Variants in AGK observed in about 807,000 individuals in gnomAD.
AGK encodes the protein acylglycerol kinase, also known as acylglycerol kinase, mitochondrial.
In AGK, 52 loss-of-function variants were observed where a neutral mutation model predicts 66.4. The ratio of observed to expected loss-of-function variants is 0.78; its 90% CI spans 0.63 to 0.99. AGK has a LOEUF of 0.99. AGK is among the 50% of genes least tolerant of loss of function. AGK has a pLI of 0.00. For missense variants in AGK, 451 were observed against 506.6 expected (o/e 0.89, Z 1.05); for synonymous variants, 182 against 181.1 (o/e 1.00, Z -0.04).
rs1370743832 is a variant in AGK, at chr7:141,653,048, C to A, written c.*124C>A. On this transcript the variant is annotated 3_prime_UTR_variant, in exon 16 of 16. Coordinates refer to ENST00000649286, the MANE Select transcript of AGK (RefSeq NM_018238.4). The stretch of plus-strand genomic sequence containing the variant: ...CCCCAGGGCATTTTCATGGCAAGTA[C>A]CCCTCTGCCCCCACTCCAGCAGTGC... The A allele has an allele frequency of 2.7e-6, 3 of 1,120,726 alleles. No individual in the cohort carries two copies. The highest frequency in any genetic ancestry group is 2.5e-5 in the East Asian group (1 of 40,610). 69.4% of individuals were successfully genotyped at this position (1,120,726 alleles called of 1,614,324 possible).
rs1439468983 is a variant in AGK at position 141,654,664 on chromosome 7, T to C, written c.*1740T>C. ...GAGGTTCTTACACTCTAGGGGGCAG[T>C]GCACCACAGGAAGATAGATCAATGA... On this transcript the variant is annotated 3_prime_UTR_variant, in exon 16 of 16. Transcript: ENST00000649286. 6.6e-6 allele frequency: 1 copy of C among 152,202 alleles called. No individual in the cohort carries two copies. Among genetic ancestry groups the C allele is most frequent in the Non-Finnish European group, 1.5e-5 (1 of 68,040 alleles). 9.4% of individuals were successfully genotyped at this position (152,202 alleles called of 1,614,324 possible).
rs780358144 is a variant in AGK, at chr7:141,571,580, G to T, written c.101+16013G>T. Among the ~76,000 whole-genome samples the T allele has an allele frequency of 3.3e-5, 5 of 152,114 alleles. No homozygotes were observed. The East Asian group carries it at 9.6e-4, about 29-fold the overall frequency. On this transcript the variant is annotated intron_variant, in intron 2 of 15. Coordinates refer to ENST00000649286, the MANE Select transcript of AGK (RefSeq NM_018238.4). ...ATATTGTCTAGGTGTCCTGTTTTTG[G>T]TGATACTAAGATTGATCAGTAGATC...
At chr7:141,647,269 T>TA (rs1362731495) in intron 13 of AGK, among the ~76,000 whole-genome samples, 4 of 152,152 alleles carry the variant, frequency 2.6e-5, no homozygotes, top group African/African-American at 9.7e-5. Context: ...AGCCAGAACA[T>TA]ATTTCCCTCC....
chr7:141,554,969 C>G (rs1254234066), intron 1 of AGK, among the ~76,000 whole-genome samples: 1 of 152,068 alleles, frequency 6.6e-6, no homozygotes, highest in Non-Finnish European at 1.5e-5. Context: ...GTTTCTTTTC[C>G]TATTGAGGAC....
intron 2 of AGK, among the ~76,000 whole-genome samples, chr7:141,572,828 C>T (rs567338023): frequency 5.3e-5 from 8 of 152,076 alleles, no homozygotes; most frequent in South Asian, 2.1e-4. Context: ...TGTTGGATGC[C>T]GGGGTAAATT....
At chr7:141,634,022 A>G in intron 10 of AGK, 42 bp downstream of exon 10, 1 of 1,525,014 alleles carries the variant, frequency 6.6e-7, no homozygotes, top group Non-Finnish European at 9.1e-7. Context: ...TTTTAAAAAA[A>G]TCTTATTCTG....
At chr7:141,624,367 C>T (rs1413352945) in intron 9 of AGK, among the ~76,000 whole-genome samples, 1 of 152,012 alleles carries the variant, frequency 6.6e-6, no homozygotes, top group Non-Finnish European at 1.5e-5. Flanking sequence ...GCCTATAGTC[C>T]CAGTTGCCAT....
chr7:141,616,918 C>G (rs978516220), intron 8 of AGK, among the ~76,000 whole-genome samples: 17 of 151,858 alleles, frequency 1.1e-4, no homozygotes, highest in Non-Finnish European at 1.5e-5. Flanking sequence ...CCACCACGCC[C>G]GGCTAATTTT....
chr7:141,583,000 A>G (rs1006403556), intron 2 of AGK, among the ~76,000 whole-genome samples: 1 of 151,834 alleles, frequency 6.6e-6, no homozygotes, highest in East Asian at 1.9e-4. Context: ...ATTTGGGACA[A>G]GTTGCATTGG....
At chr7:141,640,947 C>T (rs1379793223) in intron 11 of AGK, among the ~76,000 whole-genome samples, 2 of 152,104 alleles carry the variant, frequency 1.3e-5, no homozygotes, top group Non-Finnish European at 2.9e-5. Flanking sequence ...AAATTTATTA[C>T]GGATGACCCT....
intron 2 of AGK, among the ~76,000 whole-genome samples, chr7:141,583,280 G>A (rs1795920353): frequency 6.6e-6 from 1 of 151,634 alleles, no homozygotes; most frequent in Non-Finnish European, 1.5e-5. Context: ...GAAGAAGGAG[G>A]AATGGAGGGT....
intron 2 of AGK, among the ~76,000 whole-genome samples, chr7:141,572,700 A>G (rs555560830): frequency 5.3e-5 from 8 of 152,268 alleles, no homozygotes; most frequent in African/African-American, 1.7e-4. Context: ...AGACTAGGAT[A>G]ATTGGTGATA....
At chr7:141,635,296 T>C (rs1276314894) in intron 10 of AGK, among the ~76,000 whole-genome samples, 2 of 151,934 alleles carry the variant, frequency 1.3e-5, no homozygotes, top group African/African-American at 4.9e-5. Context: ...GGTAGAGATA[T>C]GAGAAATCAT....
chr7:141,592,640 A>G (rs1050024942), intron 2 of AGK, among the ~76,000 whole-genome samples: 3 of 152,062 alleles, frequency 2.0e-5, no homozygotes, highest in Admixed American at 1.3e-4. Flanking sequence ...TTTAACACAG[A>G]CTTTTATTCG....
rs775102750 is a variant in AGK at position 141,637,011 on chromosome 7, T to A, written c.720T>A (p.Thr240=). Residue 240 remains threonine, a synonymous_variant, in exon 11 of 16, where the codon ACT becomes ACA. Transcript: ENST00000649286. ...LKIKAAHFFS[T]LKEWPQTHQA... ...TCAAAGCAGCCCACTTTTTCAGCACTCTTAAGGTAAATGTGATTTACAGTG... is the reference window on the plus strand; with the variant it reads ...TCAAAGCAGCCCACTTTTTCAGCACACTTAAGGTAAATGTGATTTACAGTG... 6.2e-7 allele frequency: 1 copy of A among 1,612,400 alleles called. No homozygotes were observed. The highest frequency in any genetic ancestry group is 8.5e-7 in the Non-Finnish European group (1 of 1,178,982).
At chr7:141,580,316 A>C (rs925465720) in intron 2 of AGK, among the ~76,000 whole-genome samples, 1 of 151,996 alleles carries the variant, frequency 6.6e-6, no homozygotes, top group Admixed American at 6.5e-5. Context: ...ACTATAGCAT[A>C]GCCTGCCTTT....
chr7:141,613,859 C>G (rs995564154), intron 6 of AGK, among the ~76,000 whole-genome samples: 1 of 151,756 alleles, frequency 6.6e-6, no homozygotes, highest in Non-Finnish European at 1.5e-5. Context: ...ATATTTATAC[C>G]CATTTTATAG....
intron 13 of AGK, 58 bp downstream of exon 13, chr7:141,641,966 A>G (rs1461236096): frequency 7.4e-7 from 1 of 1,352,250 alleles, no homozygotes; most frequent in Admixed American, 2.0e-5. Flanking sequence ...GACAATAGCT[A>G]TAGTCCTCTC....
intron 14 of AGK, chr7:141,650,710 G>A: frequency 1.0e-6 from 1 of 982,108 alleles, no homozygotes; most frequent in Non-Finnish European, 1.2e-6. Flanking sequence ...CTCAGTCAAG[G>A]TAGATATTGT....
Sources: gnomAD v4.1 joint callset for allele counts (sites outside exome capture counted in the v4.1 genomes callset) on GRCh38, gnomAD v4.1.1 for gene constraint, MANE v1.5 for transcripts, NCBI Gene and HGNC (gene_info 2026-07-23, HGNC 2026-07-21) for gene names.